SCLT1: variants seen among roughly 807,000 people sequenced by gnomAD.
SCLT1 encodes the protein sodium channel and clathrin linker 1, also known as sodium channel-associated protein 1.
SCLT1 carries 78 observed loss-of-function variants against 112.8 expected under a neutral mutation model. The observed-to-expected ratio is 0.69, with a 90% CI of 0.58 to 0.83. The LOEUF is 0.83. Ranked by LOEUF, SCLT1 falls within the 40% of genes least tolerant of loss-of-function variation. The probability of loss-of-function intolerance (pLI) is 0.00; values close to 1 mark genes in which losing one functional copy is unlikely to be tolerated. For missense variants in SCLT1, 747 were observed against 770.4 expected, an observed-to-expected ratio of 0.97 and a Z score of 0.36; for synonymous variants, 257 against 254.7, an observed-to-expected ratio of 1.01 and a Z score of -0.09.
chr4:128,984,571 AT>A (rs921829342), intron 9 of SCLT1, among the ~76,000 whole-genome samples: 13 of 152,108 alleles, frequency 8.5e-5, no homozygotes, highest in Middle Eastern at 3.4e-3. Flanking sequence ...TCCTATATAG[AT>A]TTTTTTATAT....
chr4:128,891,396 G>T (rs1316911202), intron 18 of SCLT1, among the ~76,000 whole-genome samples: 3 of 151,954 alleles, frequency 2.0e-5, no homozygotes, highest in Admixed American at 6.6e-5. Context: ...AGTTAAGGTG[G>T]TAAGTTTTAT....
At chr4:128,905,137 T>C (rs186718865) in intron 18 of SCLT1, among the ~76,000 whole-genome samples, 191 of 152,334 alleles carry the variant, frequency 1.3e-3, no homozygotes, top group African/African-American at 4.2e-3. Flanking sequence ...CTGTCCAAAA[T>C]GGAAACTACT....
intron 2 of SCLT1, among the ~76,000 whole-genome samples, chr4:129,052,501 T>A (rs894945444): frequency 4.1e-5 from 6 of 146,166 alleles, no homozygotes; most frequent in Non-Finnish European, 7.4e-5. Context: ...GATTTTCAAT[T>A]TTTTTTTTTG....
intron 1 of SCLT1, among the ~76,000 whole-genome samples, chr4:129,091,022 G>A (rs777104435): frequency 1.3e-4 from 20 of 152,030 alleles, no homozygotes; most frequent in Non-Finnish European, 2.1e-4. Flanking sequence ...AAATCCAAAC[G>A]GAACAAAGAG....
chr4:128,897,267 C>T (rs1326971769), intron 18 of SCLT1, among the ~76,000 whole-genome samples: 1 of 151,982 alleles, frequency 6.6e-6, no homozygotes, highest in African/African-American at 2.4e-5. Flanking sequence ...TAAGGGCAGC[C>T]AGAGAGAAAG....
intron 1 of SCLT1, among the ~76,000 whole-genome samples, chr4:129,087,958 G>A (rs1752539786): frequency 6.6e-6 from 1 of 151,134 alleles, no homozygotes; most frequent in Admixed American, 6.6e-5. Flanking sequence ...ATGGTGGCAT[G>A]TGCCTGTAGT....
chr4:128,988,332 A>T (rs1190440593), intron 9 of SCLT1, among the ~76,000 whole-genome samples: 3 of 152,196 alleles, frequency 2.0e-5, no homozygotes, highest in East Asian at 3.9e-4. Context: ...CAACAAATCA[A>T]AAAGCAGGGG....
intron 18 of SCLT1, among the ~76,000 whole-genome samples, chr4:128,916,814 G>A (rs916476421): frequency 4.6e-5 from 7 of 152,204 alleles, no homozygotes; most frequent in African/African-American, 1.4e-4. Context: ...ATAGTTATAC[G>A]TCTTGACTTA....
At chr4:128,999,428 C>T (rs1281245174) in intron 7 of SCLT1, among the ~76,000 whole-genome samples, 1 of 151,894 alleles carries the variant, frequency 6.6e-6, no homozygotes, top group Non-Finnish European at 1.5e-5. Context: ...TGCTCTTTAG[C>T]ACTAAATTCA....
At chr4:129,007,596 T>G (rs749776333) in intron 5 of SCLT1, among the ~76,000 whole-genome samples, 1 of 152,208 alleles carries the variant, frequency 6.6e-6, no homozygotes, top group Non-Finnish European at 1.5e-5. Flanking sequence ...TCTATCCTTT[T>G]ATTTTCACCC....
At chr4:129,044,236 T>A (rs1283156023) in intron 2 of SCLT1, among the ~76,000 whole-genome samples, 185 bp from the exon 3 acceptor site, 3 of 152,116 alleles carry the variant, frequency 2.0e-5, no homozygotes, top group Non-Finnish European at 1.5e-5. Context: ...TTAATACCCA[T>A]GCACAATAAA....
intron 6 of SCLT1, among the ~76,000 whole-genome samples, chr4:129,001,479 A>T (rs190031347): frequency 1.3e-5 from 2 of 152,124 alleles, no homozygotes; most frequent in African/African-American, 4.8e-5. Context: ...TAAGATTTTT[A>T]AACTATGTCA....
intron 2 of SCLT1, among the ~76,000 whole-genome samples, chr4:129,051,710 CCTTT>C (rs1231943839): frequency 3.9e-5 from 6 of 152,132 alleles, no homozygotes; most frequent in Admixed American, 1.3e-4. Flanking sequence ...AATTGAACAT[CCTTT>C]CTTTCTTTCT....
At chr4:128,956,411 A>G (rs1385434514) in intron 13 of SCLT1, among the ~76,000 whole-genome samples, 1 of 152,146 alleles carries the variant, frequency 6.6e-6, no homozygotes, top group Non-Finnish European at 1.5e-5. Context: ...GCTCCTGCAG[A>G]AAGGATATAG....
chr4:129,040,760 A>C (rs1747627113), intron 4 of SCLT1, among the ~76,000 whole-genome samples: 1 of 152,278 alleles, frequency 6.6e-6, no homozygotes, highest in African/African-American at 2.4e-5. Flanking sequence ...GAGATATAGT[A>C]TTTTTTGACT....
intron 2 of SCLT1, among the ~76,000 whole-genome samples, chr4:129,078,923 G>C (rs1248693163): frequency 1.3e-5 from 2 of 152,182 alleles, no homozygotes; most frequent in African/African-American, 4.8e-5. Flanking sequence ...TCAGAATGCA[G>C]AAGGTGAAGG....
chr4:129,042,665 A>C (rs2125697595), intron 4 of SCLT1, among the ~76,000 whole-genome samples: 1 of 152,218 alleles, frequency 6.6e-6, no homozygotes, highest in East Asian at 1.9e-4. Flanking sequence ...TTTTTCTTCG[A>C]GACAAGGTCC....
At chr4:128,999,480 TC>T (rs1358877082) in intron 7 of SCLT1, among the ~76,000 whole-genome samples, 191 bp downstream of exon 7, 4 of 151,994 alleles carry the variant, frequency 2.6e-5, no homozygotes, top group Non-Finnish European at 5.9e-5. Context: ...ATGATCACTG[TC>T]CAGTTCTCTA....
chr4:128,896,747 AC>A (rs1733796067), intron 18 of SCLT1, among the ~76,000 whole-genome samples: 1 of 152,202 alleles, frequency 6.6e-6, no homozygotes, highest in South Asian at 2.1e-4. Context: ...GGAAGTTTGA[AC>A]CCATGGCAAA....
Sources: gnomAD v4.1 joint callset for allele counts (sites outside exome capture counted in the v4.1 genomes callset) on GRCh38, gnomAD v4.1.1 for gene constraint, MANE v1.5 for transcripts, NCBI Gene and HGNC (gene_info 2026-07-23, HGNC 2026-07-21) for gene names.